Variants in CNTNAP2 observed in about 807,000 individuals in gnomAD.
CNTNAP2 encodes contactin-associated protein-like 2.
CNTNAP2 carries 98 observed loss-of-function variants against 155.2 expected under a neutral mutation model. The ratio of observed to expected loss-of-function variants is 0.63; its 90% CI spans 0.54 to 0.75. The LOEUF is 0.75. CNTNAP2 is among the 30% of genes least tolerant of loss of function. The pLI is 0.00. For synonymous variants in CNTNAP2, 651 were observed against 631.2 expected, an observed-to-expected ratio of 1.03 and a Z score of -0.47; for missense variants, 1,727 against 1,688.1, an observed-to-expected ratio of 1.02 and a Z score of -0.40.
At chr7:147,341,755 C>T (rs1356706558) in intron 9 of CNTNAP2, among the ~76,000 whole-genome samples, 2 of 112,220 alleles carry the variant, frequency 1.8e-5, no homozygotes. Context: ...GGCTATCACA[C>T]ACACACATAC....
intron 3 of CNTNAP2, 115 bp downstream of exon 3, chr7:146,840,019 A>G: frequency 8.1e-7 from 1 of 1,241,652 alleles, no homozygotes; most frequent in South Asian, 1.3e-5. Flanking sequence ...AATCATTGGG[A>G]AACTATTTAT....
At chr7:146,159,974 G>A (rs1324565825) in intron 1 of CNTNAP2, among the ~76,000 whole-genome samples, 1 of 152,100 alleles carries the variant, frequency 6.6e-6, no homozygotes, top group African/African-American at 2.4e-5. Flanking sequence ...TTCCAAAATT[G>A]ATCACACAGT....
chr7:146,651,887 C>T (rs577902624), intron 1 of CNTNAP2, among the ~76,000 whole-genome samples: 3 of 151,994 alleles, frequency 2.0e-5, no homozygotes, highest in Admixed American at 6.6e-5. Flanking sequence ...AAGTAAAAAC[C>T]TTTTCAAGTA....
intron 15 of CNTNAP2, among the ~76,000 whole-genome samples, chr7:148,015,402 G>A (rs1283635303): frequency 1.3e-5 from 2 of 152,120 alleles, no homozygotes; most frequent in Non-Finnish European, 2.9e-5. Flanking sequence ...AGTGAAGGCC[G>A]CACAGTGGGC....
chr7:147,578,385 T>C (rs1800436013), intron 12 of CNTNAP2, among the ~76,000 whole-genome samples: 1 of 152,126 alleles, frequency 6.6e-6, no homozygotes, highest in Admixed American at 6.6e-5. Flanking sequence ...ATCTGACTCA[T>C]CTGGTTGCTG....
chr7:146,692,042 G>A (rs1800706736), intron 1 of CNTNAP2, among the ~76,000 whole-genome samples: 1 of 152,044 alleles, frequency 6.6e-6, no homozygotes, highest in African/African-American at 2.4e-5. Flanking sequence ...TGTAAAATTG[G>A]TCAGAGATGA....
At chr7:147,531,893 A>G (rs1362532119) in intron 11 of CNTNAP2, among the ~76,000 whole-genome samples, 5 of 149,470 alleles carry the variant, frequency 3.3e-5, no homozygotes, top group African/African-American at 1.2e-4. Flanking sequence ...TGCAAGCTTC[A>G]ACTCCTGGGT....
At chr7:146,907,894 T>C (rs966900744) in intron 3 of CNTNAP2, among the ~76,000 whole-genome samples, 2 of 152,116 alleles carry the variant, frequency 1.3e-5, no homozygotes, top group Non-Finnish European at 2.9e-5. Context: ...GTGTGCTGTC[T>C]TCAGGAAACC....
chr7:147,700,358 A>T (rs1292615659), intron 13 of CNTNAP2, among the ~76,000 whole-genome samples: 1 of 152,156 alleles, frequency 6.6e-6, no homozygotes, highest in Non-Finnish European at 1.5e-5. Context: ...GGCTGTTCAC[A>T]TGGAGGCCCA....
At chr7:147,942,995 C>T (rs1323263518) in intron 14 of CNTNAP2, among the ~76,000 whole-genome samples, 1 of 151,912 alleles carries the variant, frequency 6.6e-6, no homozygotes, top group African/African-American at 2.4e-5. Context: ...TGAGATCAGG[C>T]CACTGCACAC....
chr7:147,045,093 A>G (rs1168001129), intron 4 of CNTNAP2, among the ~76,000 whole-genome samples: 1 of 152,174 alleles, frequency 6.6e-6, no homozygotes, highest in Non-Finnish European at 1.5e-5. Flanking sequence ...AGTAAAATAT[A>G]CTTTCCTCAT....
chr7:147,817,670 G>A (rs560763458), intron 13 of CNTNAP2, among the ~76,000 whole-genome samples: 1 of 152,148 alleles, frequency 6.6e-6, no homozygotes, highest in East Asian at 1.9e-4. Flanking sequence ...TTGGGAGGCC[G>A]AGGTGGGCGG....
chr7:147,638,282 A>T (rs189197011), intron 12 of CNTNAP2, among the ~76,000 whole-genome samples: 76 of 152,078 alleles, frequency 5.0e-4, no homozygotes, highest in African/African-American at 1.7e-3. Flanking sequence ...TTCTCCAGGG[A>T]TCCTAGTTTT....
intron 1 of CNTNAP2, among the ~76,000 whole-genome samples, chr7:146,697,300 C>G (rs1048701293): frequency 6.6e-6 from 1 of 151,464 alleles, no homozygotes; most frequent in Non-Finnish European, 1.5e-5. Context: ...TGCTGTGGCG[C>G]AATCTTGGCT....
At chr7:146,408,192 C>T (rs571875885) in intron 1 of CNTNAP2, among the ~76,000 whole-genome samples, 108 of 152,156 alleles carry the variant, frequency 7.1e-4, no homozygotes, top group Non-Finnish European at 1.3e-3. Context: ...AAAAGTTGAA[C>T]CATATTAATT....
intron 8 of CNTNAP2, among the ~76,000 whole-genome samples, chr7:147,294,492 C>T (rs1805384609): frequency 6.6e-6 from 1 of 152,080 alleles, no homozygotes; most frequent in Non-Finnish European, 1.5e-5. Context: ...TTTTCCCAAG[C>T]CTCAAATTCC....
intron 9 of CNTNAP2, among the ~76,000 whole-genome samples, chr7:147,314,704 C>G (rs1038128513): frequency 4.7e-5 from 7 of 150,252 alleles, no homozygotes; most frequent in African/African-American, 1.5e-4. Flanking sequence ...GGCTATTGAA[C>G]AAAGAGATGG....
At chr7:146,753,730 G>A (rs1563217010) in intron 1 of CNTNAP2, among the ~76,000 whole-genome samples, 1 of 151,864 alleles carries the variant, frequency 6.6e-6, no homozygotes, top group East Asian at 1.9e-4. Flanking sequence ...ATCATCAGAG[G>A]TTTCCATCTT....
intron 14 of CNTNAP2, among the ~76,000 whole-genome samples, chr7:147,953,405 T>C (rs1800968556): frequency 6.6e-6 from 1 of 151,832 alleles, no homozygotes; most frequent in Non-Finnish European, 1.5e-5. Context: ...TCTTTCCTTC[T>C]AAGAAATACG....
Sources: allele counts gnomAD v4.1 joint callset (sites outside exome capture counted in the v4.1 genomes callset), GRCh38; gene constraint gnomAD v4.1.1; transcripts MANE v1.5; gene names NCBI Gene and HGNC (gene_info 2026-07-23, HGNC 2026-07-21).